ELFN1: variants seen among roughly 807,000 people sequenced by gnomAD.
ELFN1 encodes extracellular leucine rich repeat and fibronectin type III domain containing 1, also known as protein ELFN1.
In ELFN1, 6 loss-of-function variants were observed where a neutral mutation model predicts 7.6. The observed-to-expected ratio is 0.79, with a 90% confidence interval of 0.43 to 1.56. The LOEUF is 1.56. Among genes scored for constraint, ELFN1 ranks in the 40% most tolerant of loss-of-function variants. The pLI, the probability that ELFN1 is intolerant of heterozygous loss-of-function variation, is 0.01. For synonymous variants in ELFN1, 657 were observed against 588.1 expected (o/e 1.12, Z -1.70); for missense variants, 1,169 against 1,232.2 (o/e 0.95, Z 0.77).
At position 1,746,385 on chromosome 7, in the gene ELFN1, C is replaced by G. The variant is rs1352864483; in HGVS notation, c.1789C>G (p.Pro597Ala). The G allele has an allele frequency of 3.3e-6, 5 of 1,536,410 alleles. No homozygotes were observed. Among genetic ancestry groups the G allele is most frequent in the Non-Finnish European group, 4.4e-6 (5 of 1,142,180 alleles). ...GGGGCCCGTGTCCGTCGCGGAGCCG[C>G]CGCTGGTGCTGCTGTCCGAGCCGCT... Reference protein sequence around the residue: ...KSGPVSVAEPPLVLLSEPLAA... With the variant: ...KSGPVSVAEPALVLLSEPLAA... The change falls in exon 4 of 4, where the codon CCG becomes GCG. Residue 597 changes from proline (P) to alanine (A), a missense_variant. Around this residue, in one of 2 missense-constraint regions of ELFN1, gnomAD observed 914 missense variants for 872.6 expected, o/e 1.05. Transcript: ENST00000424383.
At chr7:1,711,060 C>T (rs1486626245) in intron 3 of ELFN1, among the ~76,000 whole-genome samples, 1 of 152,228 alleles carries the variant, frequency 6.6e-6, no homozygotes, top group African/African-American at 2.4e-5. Context: ...CAAATGCCAG[C>T]CCCTACCTGG....
At chr7:1,701,064 C>T (rs1004944396) in intron 2 of ELFN1, among the ~76,000 whole-genome samples, 21 of 151,748 alleles carry the variant, frequency 1.4e-4, no homozygotes, top group African/African-American at 1.9e-4. Context: ...TGTATGTATG[C>T]GTGTGTATGT....
intron 3 of ELFN1, among the ~76,000 whole-genome samples, chr7:1,736,108 G>A (rs1041196246): frequency 6.6e-6 from 1 of 152,206 alleles, no homozygotes; most frequent in African/African-American, 2.4e-5. Context: ...GCCCTGATAT[G>A]CCTATCACAG....
At chr7:1,718,422 T>G (rs1482930969) in intron 3 of ELFN1, among the ~76,000 whole-genome samples, 3 of 152,082 alleles carry the variant, frequency 2.0e-5, no homozygotes, top group Non-Finnish European at 4.4e-5. Context: ...GACTGGAGAA[T>G]GGGAAGTAGC....
At chr7:1,725,931 C>G (rs1419366596) in intron 3 of ELFN1, among the ~76,000 whole-genome samples, 1 of 150,648 alleles carries the variant, frequency 6.6e-6, no homozygotes, top group Non-Finnish European at 1.5e-5. Context: ...CACACCCTCG[C>G]ACTCACAAAT....
At chr7:1,734,577 C>T (rs540987283) in intron 3 of ELFN1, among the ~76,000 whole-genome samples, 3 of 152,218 alleles carry the variant, frequency 2.0e-5, no homozygotes, top group Non-Finnish European at 2.9e-5. Context: ...GGACCAGGCA[C>T]CCCCTTCCCG....
intron 1 of ELFN1, among the ~76,000 whole-genome samples, chr7:1,684,434 T>A (rs1255218726): frequency 6.6e-6 from 1 of 152,194 alleles, no homozygotes. Flanking sequence ...TCTCTGCTTT[T>A]TATTTGGTCT....
chr7:1,720,720 T>TC (rs1281692563), intron 3 of ELFN1, among the ~76,000 whole-genome samples: 1 of 142,320 alleles, frequency 7.0e-6, no homozygotes, highest in East Asian at 2.2e-4. Flanking sequence ...GATCCCTTCC[T>TC]CCCCCCAGCA....
At chr7:1,730,472 G>C (rs531545722) in intron 3 of ELFN1, among the ~76,000 whole-genome samples, 2 of 152,264 alleles carry the variant, frequency 1.3e-5, no homozygotes, top group South Asian at 4.1e-4. Flanking sequence ...GAATATCACA[G>C]AGATAAGAAT....
intron 1 of ELFN1, among the ~76,000 whole-genome samples, chr7:1,678,233 G>A (rs541649350): frequency 6.6e-6 from 1 of 152,280 alleles, no homozygotes; most frequent in South Asian, 2.1e-4. Flanking sequence ...ACAGGCACAG[G>A]TGCACGCACA....
At chr7:1,709,539 G>C (rs1400034163) in intron 3 of ELFN1, among the ~76,000 whole-genome samples, 2 of 152,246 alleles carry the variant, frequency 1.3e-5, no homozygotes, top group East Asian at 3.8e-4. Flanking sequence ...GCCATACTCG[G>C]GGTATGCCCA....
intron 3 of ELFN1, among the ~76,000 whole-genome samples, chr7:1,709,930 C>G (rs1326122700): frequency 1.3e-5 from 2 of 152,212 alleles, no homozygotes; most frequent in Non-Finnish European, 2.9e-5. Context: ...CTCTGGGCAA[C>G]TGTACTTTGG....
chr7:1,683,233 A>G (rs1479907205), intron 1 of ELFN1, among the ~76,000 whole-genome samples: 1 of 152,124 alleles, frequency 6.6e-6, no homozygotes, highest in Non-Finnish European at 1.5e-5. Context: ...ATATTTGACA[A>G]AACTTACCAC....
At chr7:1,666,092 C>G (rs1199537873), upstream of ELFN1, among the ~76,000 whole-genome samples, 2 of 152,098 alleles carry the variant, frequency 1.3e-5, no homozygotes, top group East Asian at 1.9e-4. The surrounding 1 kb of genome is among the most constrained non-coding windows in gnomAD (Gnocchi z 7.9). Flanking sequence ...CCGCCGCCGC[C>G]GCGCTCGGGG....
At chr7:1,666,978 C>CGGCGG (rs1778681277), upstream of ELFN1, among the ~76,000 whole-genome samples, 1 of 151,328 alleles carries the variant, frequency 6.6e-6, no homozygotes, top group African/African-American at 2.4e-5. The surrounding 1 kb of genome is among the most constrained non-coding windows in gnomAD (Gnocchi z 7.9). Context: ...GAAGCTGGCG[C>CGGCGG]GGCGGGGCTG....
At chr7:1,696,598 T>G (rs2128582565) in intron 2 of ELFN1, among the ~76,000 whole-genome samples, 1 of 152,190 alleles carries the variant, frequency 6.6e-6, no homozygotes, top group South Asian at 2.1e-4. Context: ...AGATGGAGTT[T>G]CGCTATGTTG....
chr7:1,685,260 T>C (rs1779043148), intron 1 of ELFN1, among the ~76,000 whole-genome samples: 1 of 152,220 alleles, frequency 6.6e-6, no homozygotes. Flanking sequence ...TTTCAACAGT[T>C]TGGCTATGAT....
chr7:1,696,173 A>AGT (rs1458009007), intron 2 of ELFN1, among the ~76,000 whole-genome samples: 2 of 150,962 alleles, frequency 1.3e-5, no homozygotes, highest in African/African-American at 4.9e-5. Context: ...AGAGAGAGAG[A>AGT]GAGTGTGTGT....
rs1432628484 is a variant in ELFN1, at chr7:1,746,720, C to G, written c.2124C>G (p.Pro708=). The change falls in exon 4 of 4, where the codon CCC becomes CCG. Residue 708 remains proline (P), a synonymous_variant. Transcript: ENST00000424383. ...RQYGEHRHSY[P]GSHPAEPPAP... is the part of the protein sequence containing the mutation. ...ACGGCGAGCACCGGCACTCGTACCC[C>G]GGCTCCCACCCGGCCGAGCCACCTG... The G allele has an allele frequency of 6.8e-6, 10 of 1,478,444 alleles. No individual in the cohort carries two copies. The highest frequency in any genetic ancestry group is 4.6e-5 in the Admixed American group (2 of 43,240). 91.6% of individuals were successfully genotyped at this position (1,478,444 alleles called of 1,614,324 possible).
Sources: allele counts gnomAD v4.1 joint callset (sites outside exome capture counted in the v4.1 genomes callset), GRCh38; gene constraint gnomAD v4.1.1; regional missense constraint gnomAD v4.1.1; non-coding constraint Gnocchi (gnomAD v3.1); transcripts MANE v1.5; gene names NCBI Gene and HGNC (gene_info 2026-07-23, HGNC 2026-07-21).